The following RSU1 variants were observed in gnomAD, a reference collection of about 807,000 sequenced individuals.
The protein encoded by RSU1 is Ras suppressor protein 1.
Under a neutral mutation model 31.1 loss-of-function variants are expected in RSU1, and 26 were observed. The observed-to-expected ratio is 0.84, with a 90% confidence interval of 0.61 to 1.16. RSU1 has a LOEUF of 1.16. Ranked by LOEUF, RSU1 falls within the 50% of genes most tolerant of loss-of-function variation. The pLI is 0.00. For missense variants in RSU1, 320 were observed against 339.1 expected (o/e 0.94, Z 0.44); for synonymous variants, 164 against 136.3 (o/e 1.20, Z -1.41).
At chr10:16,621,101 C>G (rs1834061230) in intron 8 of RSU1, among the ~76,000 whole-genome samples, 1 of 152,182 alleles carries the variant, frequency 6.6e-6, no homozygotes, top group South Asian at 2.1e-4. Context: ...GACACAGGCA[C>G]AGTAGTAACC....
intron 2 of RSU1, among the ~76,000 whole-genome samples, chr10:16,789,259 C>CGT (rs1564358870): frequency 6.6e-6 from 1 of 151,850 alleles, no homozygotes; most frequent in East Asian, 1.9e-4. Context: ...TTGCTTCAGC[C>CGT]GATCACACCA....
At chr10:16,795,578 G>C (rs1042182484) in intron 2 of RSU1, among the ~76,000 whole-genome samples, 5 of 152,042 alleles carry the variant, frequency 3.3e-5, no homozygotes, top group Non-Finnish European at 7.4e-5. Flanking sequence ...TGTGATTTCA[G>C]AACTAGTAAG....
Position 16,705,542 on chromosome 10 carries a change from T to A in RSU1, c.599-10387A>T, listed in dbSNP as rs141991076. 5.3e-3 allele frequency among the ~76,000 whole-genome samples: 810 copies of A among 152,166 alleles called. 10 individuals carry two copies. The highest frequency in any genetic ancestry group is 0.018 in the African/African-American group (742 of 41,526). ...TCTCGCTCTGTCACACAGGCTGGAG[T>A]GCAGAGGCGTGATCTCAGCTCACTG... On this transcript the variant is annotated intron_variant, in intron 7 of 8. Transcript: ENST00000345264.
chr10:16,738,542 A>G (rs1364864067), intron 7 of RSU1, among the ~76,000 whole-genome samples: 4 of 152,230 alleles, frequency 2.6e-5, no homozygotes, highest in East Asian at 1.9e-4. Flanking sequence ...AGAAGAAGAA[A>G]AGCAAATCAT....
Position 16,761,728 on chromosome 10 carries a change from C to T in RSU1, c.281+2662G>A, listed in dbSNP as rs571878623. 9.5e-4 allele frequency among the ~76,000 whole-genome samples: 144 copies of T among 152,110 alleles called. 1 individual carries two copies. The highest frequency in any genetic ancestry group is 1.2e-3 in the Non-Finnish European group (83 of 67,992). ...AAAATTAGCTGGGCGTGGTGGCAGG[C>T]GCCTGTAGTCCCAGCTACTTGGGAG... On this transcript the variant is annotated intron_variant, in intron 4 of 8. Coordinates refer to ENST00000345264, the MANE Select transcript of RSU1 (RefSeq NM_012425.4).
intron 5 of RSU1, 24 bp from the exon 6 acceptor site, chr10:16,753,024 A>G (rs756083958): frequency 6.3e-7 from 1 of 1,591,818 alleles, no homozygotes; most frequent in African/African-American, 1.3e-5. Context: ...AGCAATATAT[A>G]AACAGGGTGG....
intron 8 of RSU1, among the ~76,000 whole-genome samples, chr10:16,683,510 T>C (rs1043402085): frequency 1.3e-5 from 2 of 152,202 alleles, no homozygotes; most frequent in Admixed American, 1.3e-4. Context: ...GACACGCACA[T>C]ACTTTTGATT....
chr10:16,637,675 C>T (rs1028327717), intron 8 of RSU1, among the ~76,000 whole-genome samples: 3 of 151,882 alleles, frequency 2.0e-5, no homozygotes, highest in Admixed American at 2.0e-4. Context: ...ATCATAGGGC[C>T]CCATTATGAA....
chr10:16,666,474 T>A (rs1033382478), intron 8 of RSU1, among the ~76,000 whole-genome samples: 1 of 152,232 alleles, frequency 6.6e-6, no homozygotes, highest in Middle Eastern at 3.2e-3. Context: ...AAGCTTGAGA[T>A]GCTGGTTCAG....
At chr10:16,694,053 G>C (rs185531049) in intron 8 of RSU1, among the ~76,000 whole-genome samples, 6 of 152,132 alleles carry the variant, frequency 3.9e-5, no homozygotes, top group Admixed American at 6.6e-5. Context: ...GCTGGGATAA[G>C]GTAGGAAAAT....
At chr10:16,766,128 A>G (rs1441857633) in intron 3 of RSU1, among the ~76,000 whole-genome samples, 1 of 152,216 alleles carries the variant, frequency 6.6e-6, no homozygotes, top group Non-Finnish European at 1.5e-5. Context: ...GGAAGAAGGG[A>G]CTGTGAAGAA....
At chr10:16,707,915 A>C (rs1835938589) in intron 7 of RSU1, among the ~76,000 whole-genome samples, 1 of 151,862 alleles carries the variant, frequency 6.6e-6, no homozygotes, top group Non-Finnish European at 1.5e-5. Flanking sequence ...AGAGGTCTAG[A>C]CTCATTCTTT....
chr10:16,791,033 G>C (rs146146942), intron 2 of RSU1, among the ~76,000 whole-genome samples: 1 of 152,250 alleles, frequency 6.6e-6, no homozygotes, highest in African/African-American at 2.4e-5. Context: ...GGAGTGGTCA[G>C]TATTTTAATG....
At chr10:16,723,847 A>C (rs1836330844) in intron 7 of RSU1, among the ~76,000 whole-genome samples, 1 of 152,198 alleles carries the variant, frequency 6.6e-6, no homozygotes, top group African/African-American at 2.4e-5. Flanking sequence ...GAGATATACC[A>C]ACATGGTAAA....
At chr10:16,741,593 G>A (rs2131610710) in intron 7 of RSU1, among the ~76,000 whole-genome samples, 1 of 152,274 alleles carries the variant, frequency 6.6e-6, no homozygotes, top group Non-Finnish European at 1.5e-5. Flanking sequence ...GGAGGTTATT[G>A]ACAGCGGCTC....
At chr10:16,643,735 A>G (rs1382149163) in intron 8 of RSU1, among the ~76,000 whole-genome samples, 1 of 152,098 alleles carries the variant, frequency 6.6e-6, no homozygotes. Context: ...AAATGCGCAT[A>G]CTAAGAGCAC....
At chr10:16,668,550 T>C (rs961117759) in intron 8 of RSU1, among the ~76,000 whole-genome samples, 2 of 152,242 alleles carry the variant, frequency 1.3e-5, no homozygotes, top group Admixed American at 1.3e-4. Flanking sequence ...TTTATAATTC[T>C]ATAAAATTTG....
chr10:16,816,249 G>A (rs1230087949), intron 2 of RSU1, among the ~76,000 whole-genome samples: 1 of 152,216 alleles, frequency 6.6e-6, no homozygotes, highest in African/African-American at 2.4e-5. Context: ...ACATGTGTCT[G>A]AGTAGCAGGT....
chr10:16,724,992 G>A (rs1483181758), intron 7 of RSU1, among the ~76,000 whole-genome samples: 1 of 152,214 alleles, frequency 6.6e-6, no homozygotes, highest in Admixed American at 6.5e-5. Context: ...AGCTGAAGAA[G>A]TAGCTACCTT....
Sources: allele counts gnomAD v4.1 joint callset (sites outside exome capture counted in the v4.1 genomes callset), GRCh38; gene constraint gnomAD v4.1.1; transcripts MANE v1.5; gene names NCBI Gene and HGNC (gene_info 2026-07-23, HGNC 2026-07-21).